The following KCNQ5 variants were observed in gnomAD, a reference collection of about 807,000 sequenced individuals.
KCNQ5 encodes the protein potassium voltage-gated channel subfamily Q member 5.
In KCNQ5, 30 loss-of-function variants were observed where a neutral mutation model predicts 98.2. The observed-to-expected ratio is 0.31, with a 90% CI of 0.23 to 0.41. The LOEUF (loss-of-function observed/expected upper bound fraction) is 0.41. Among genes scored for constraint, KCNQ5 ranks in the 10% least tolerant of loss-of-function variants. KCNQ5 has a pLI of 1.00. For synonymous variants in KCNQ5, 458 were observed against 449.4 expected (o/e 1.02, Z -0.24); for missense variants, 835 against 1,182.5 (o/e 0.71, Z 4.31).
intron 5 of KCNQ5, among the ~76,000 whole-genome samples, chr6:73,097,535 A>G (rs1003443877): frequency 1.3e-5 from 2 of 152,204 alleles, no homozygotes; most frequent in East Asian, 3.9e-4. Flanking sequence ...CCAGAACAAA[A>G]TAAGGATGCC....
chr6:73,163,734 C>T (rs1169657151), intron 10 of KCNQ5, among the ~76,000 whole-genome samples: 1 of 152,152 alleles, frequency 6.6e-6, no homozygotes, highest in Non-Finnish European at 1.5e-5. Context: ...GGCTAAAGAG[C>T]AAGACTCTGT....
intron 2 of KCNQ5, among the ~76,000 whole-genome samples, chr6:73,025,481 G>A (rs1159795362): frequency 6.6e-6 from 1 of 151,934 alleles, no homozygotes; most frequent in African/African-American, 2.4e-5. Context: ...AAAATTAGCT[G>A]GGCATGGTGG....
chr6:73,150,151 A>G (rs1777093654), intron 10 of KCNQ5, among the ~76,000 whole-genome samples: 1 of 152,118 alleles, frequency 6.6e-6, no homozygotes, highest in Non-Finnish European at 1.5e-5. Context: ...AGTTAAAACT[A>G]CAGGAGATAT....
rs567515575 is a variant in KCNQ5, at chr6:73,061,709, T to G, written c.617-15613T>G. On this transcript the variant is annotated intron_variant, in intron 3 of 13. Coordinates refer to ENST00000370398, the MANE Select transcript of KCNQ5 (RefSeq NM_019842.4). ...TTTGCTCTTCATATATTTCCTTAAT[T>G]TTAAACTTAGAATTTTAGTTGTAAC... is the stretch of plus-strand genomic sequence containing the variant. Among the ~76,000 whole-genome samples, 20 of 152,322 alleles carry G rather than the reference T, an allele frequency of 1.3e-4. No homozygotes were observed. The South Asian group carries it at 3.9e-3, about 30-fold the overall frequency.
chr6:72,779,194 G>C (rs1463259156), intron 1 of KCNQ5, among the ~76,000 whole-genome samples: 2 of 152,270 alleles, frequency 1.3e-5, no homozygotes, highest in Middle Eastern at 3.4e-3. Context: ...AGGGAAGGAT[G>C]CCCCCCTAGA....
chr6:72,770,254 G>C (rs1772793815), intron 1 of KCNQ5, among the ~76,000 whole-genome samples: 2 of 152,266 alleles, frequency 1.3e-5, no homozygotes, highest in South Asian at 4.1e-4. Context: ...AGAGGAAAGA[G>C]ACAAAGGCCA....
rs116616266 is a variant in KCNQ5, at chr6:72,960,397, A to T, written c.399-43511A>T. Among the ~76,000 whole-genome samples the T allele has an allele frequency of 9.0e-3, 1,375 of 152,196 alleles. 26 individuals are homozygous for T. The highest frequency in any genetic ancestry group is 0.031 in the African/African-American group (1,306 of 41,532). On this transcript the variant is annotated intron_variant, in intron 1 of 13. Coordinates refer to ENST00000370398, the MANE Select transcript of KCNQ5 (RefSeq NM_019842.4). Reference sequence around the variant, plus strand: ...ATTCTATTTCTATTTCAGTGTCCCCAAATACATTTGTTGTTGTTGTTGTTG... The same window carrying T: ...ATTCTATTTCTATTTCAGTGTCCCCTAATACATTTGTTGTTGTTGTTGTTG...
intron 1 of KCNQ5, among the ~76,000 whole-genome samples, chr6:72,641,938 G>A (rs746687324): frequency 1.5e-4 from 22 of 151,426 alleles, no homozygotes; most frequent in Non-Finnish European, 2.5e-4. Context: ...AATTCTCTAC[G>A]CCTCATTACT....
chr6:72,802,551 A>T (rs555171565), intron 1 of KCNQ5, among the ~76,000 whole-genome samples: 4 of 152,280 alleles, frequency 2.6e-5, no homozygotes, highest in African/African-American at 9.6e-5. Flanking sequence ...ACCCAACCTC[A>T]TATCGTTACT....
intron 1 of KCNQ5, among the ~76,000 whole-genome samples, chr6:72,909,197 G>C (rs538467654): frequency 8.1e-4 from 123 of 152,182 alleles, no homozygotes; most frequent in Non-Finnish European, 1.6e-3. Flanking sequence ...AAAAGTTATA[G>C]GTAATAAGAT....
intron 1 of KCNQ5, among the ~76,000 whole-genome samples, chr6:72,995,341 C>T (rs1769239880): frequency 7.0e-6 from 1 of 143,326 alleles, no homozygotes; most frequent in Non-Finnish European, 1.5e-5. Flanking sequence ...GCACTCCAGC[C>T]TAGGCAACAA....
intron 1 of KCNQ5, among the ~76,000 whole-genome samples, chr6:72,672,368 G>T (rs1382605920): frequency 6.6e-6 from 1 of 152,102 alleles, no homozygotes; most frequent in African/African-American, 2.4e-5. Flanking sequence ...AAAGTGATGG[G>T]ATTACAGGGG....
At chr6:72,688,579 G>T (rs1482369631) in intron 1 of KCNQ5, among the ~76,000 whole-genome samples, 5 of 152,056 alleles carry the variant, frequency 3.3e-5, no homozygotes, top group African/African-American at 1.2e-4. Context: ...CATCATATCT[G>T]TTAAAATTAT....
chr6:72,940,126 A>T (rs1446887417), intron 1 of KCNQ5, among the ~76,000 whole-genome samples: 1 of 152,202 alleles, frequency 6.6e-6, no homozygotes, highest in African/African-American at 2.4e-5. Context: ...AAGCTTGAAC[A>T]TTCTTTGATG....
At chr6:72,909,863 A>T (rs1439703553) in intron 1 of KCNQ5, among the ~76,000 whole-genome samples, 1 of 152,216 alleles carries the variant, frequency 6.6e-6, no homozygotes, top group Non-Finnish European at 1.5e-5. Flanking sequence ...ATTAAGTGAG[A>T]TTAAAGATTT....
At chr6:73,153,884 T>A (rs1777248344) in intron 10 of KCNQ5, among the ~76,000 whole-genome samples, 1 of 128,510 alleles carries the variant, frequency 7.8e-6, no homozygotes, top group Non-Finnish European at 1.6e-5. Context: ...TCTGTATCAA[T>A]CTGTAATCTT....
intron 1 of KCNQ5, among the ~76,000 whole-genome samples, chr6:72,768,728 T>A (rs1251448477): frequency 6.6e-6 from 1 of 152,034 alleles, no homozygotes; most frequent in Non-Finnish European, 1.5e-5. Flanking sequence ...AATGGGCTTC[T>A]TTATAGTTAC....
intron 1 of KCNQ5, chr6:72,986,879 G>A (rs1768804391): frequency 1.1e-6 from 1 of 895,484 alleles, no homozygotes; most frequent in Non-Finnish European, 1.8e-6. Flanking sequence ...CTGCGAGGCT[G>A]GGGATGCTGC....
intron 10 of KCNQ5, among the ~76,000 whole-genome samples, chr6:73,154,912 T>C (rs1777300317): frequency 1.3e-5 from 2 of 152,150 alleles, no homozygotes; most frequent in Admixed American, 1.3e-4. Context: ...AAATTAACCA[T>C]AGTACAACAG....
Sources: gnomAD v4.1 joint callset for allele counts (sites outside exome capture counted in the v4.1 genomes callset) on GRCh38, gnomAD v4.1.1 for gene constraint, MANE v1.5 for transcripts, NCBI Gene and HGNC (gene_info 2026-07-23, HGNC 2026-07-21) for gene names.